PCTP: variants seen among roughly 807,000 people sequenced by gnomAD.
PCTP encodes phosphatidylcholine transfer protein.
A neutral mutation model predicts 31.0 loss-of-function variants in PCTP; 27 were observed. The ratio of observed to expected loss-of-function variants is 0.87; its 90% CI spans 0.64 to 1.20. PCTP has a LOEUF of 1.20. PCTP is among the 50% of genes most tolerant of loss of function. The pLI, the probability that PCTP is intolerant of heterozygous loss-of-function variation, is 0.00. For synonymous variants in PCTP, 108 were observed against 101.2 expected (o/e 1.07, Z -0.40); for missense variants, 287 against 268.2 (o/e 1.07, Z -0.49).
rs1184465442 is a variant in PCTP, at chr17:55,771,064, A to G, written c.260-42A>G. On this transcript the variant is annotated intron_variant, in intron 2 of 5. Transcript: ENST00000268896. Reference sequence around the variant, plus strand: ...GTCATACCCTTATTAGTTGTAGCTAAAAAGGCTTCCAGATGCATTAACTTC... The same window carrying G: ...GTCATACCCTTATTAGTTGTAGCTAGAAAGGCTTCCAGATGCATTAACTTC... 3.3e-6 allele frequency: 5 copies of G among 1,502,736 alleles called. No homozygotes were observed. The African/African-American group carries it at 4.1e-5, about 12-fold the overall frequency. 93.1% of individuals were successfully genotyped at this position (1,502,736 alleles called of 1,614,324 possible).
At chr17:55,805,918 T>TGTGTGTGTGTGTGTGTGTGTGTGTG (rs1567726531) in intron 3 of PCTP, among the ~76,000 whole-genome samples, 2 of 108,846 alleles carry the variant, frequency 1.8e-5, no homozygotes, top group African/African-American at 8.9e-5. Context: ...GTGTGTGTGT[T>TGTGTGTGTGTGTGTGTGTGTGTGTG]TGACTTTAGA....
intron 5 of PCTP, among the ~76,000 whole-genome samples, chr17:55,832,907 G>A (rs962235585): frequency 6.6e-6 from 1 of 152,190 alleles, no homozygotes; most frequent in African/African-American, 2.4e-5. Context: ...AAAAACTTCA[G>A]CACAATTCAG....
At chr17:55,775,449 A>G (rs768270616) in intron 5 of PCTP, 70 of 1,230,870 alleles carry the variant, frequency 5.7e-5, no homozygotes, top group Non-Finnish European at 7.0e-5. Flanking sequence ...AAGCACATCA[A>G]CTTTGGAGTC....
intron 2 of PCTP, among the ~76,000 whole-genome samples, chr17:55,784,648 C>T (rs1177324959): frequency 1.3e-5 from 2 of 151,954 alleles, no homozygotes; most frequent in Non-Finnish European, 2.9e-5. Context: ...TGTCAGCTTC[C>T]CCATAGAAAG....
chr17:55,825,105 T>C (rs1905354729), downstream of PCTP, among the ~76,000 whole-genome samples: 3 of 152,340 alleles, frequency 2.0e-5, no homozygotes, highest in East Asian at 5.8e-4. Context: ...AGAAAAAAAG[T>C]AATTTGTCCA....
chr17:55,816,028 AAT>A (rs1367636091), intron 3 of PCTP, among the ~76,000 whole-genome samples: 12 of 152,140 alleles, frequency 7.9e-5, no homozygotes, highest in African/African-American at 2.7e-4. Context: ...GTCTACCTGA[AAT>A]TACTAACATT....
chr17:55,775,727 A>G (rs767707798), intron 5 of PCTP: 13 of 1,238,932 alleles, frequency 1.0e-5, no homozygotes, highest in Non-Finnish European at 1.3e-5. Flanking sequence ...GTAACAATCC[A>G]GCCCAAGCCC....
At chr17:55,804,496 A>C (rs1305549183) in intron 3 of PCTP, among the ~76,000 whole-genome samples, 1 of 152,244 alleles carries the variant, frequency 6.6e-6, no homozygotes, top group Admixed American at 6.5e-5. Flanking sequence ...TGGATAAAGA[A>C]AATGTGACAC....
chr17:55,848,189 C>T, the PCTP span, among the ~76,000 whole-genome samples: 7 of 152,176 alleles, frequency 4.6e-5, no homozygotes, highest in African/African-American at 1.4e-4. Context: ...AGATTACAGG[C>T]GTGAGCCACC....
Position 55,776,267 on chromosome 17 carries a change from C to T in PCTP, c.*167C>T. The T allele has an allele frequency of 1.4e-6, 2 of 1,391,694 alleles. No homozygotes were observed. Among genetic ancestry groups the T allele is most frequent in the South Asian group, 1.8e-5 (1 of 56,958 alleles). The allele number at this position is 1,391,694 out of a possible 1,614,324, so 86.2% of individuals were successfully genotyped here. On this transcript the variant is annotated 3_prime_UTR_variant, in exon 6 of 6. Transcript: ENST00000268896. Reference sequence around the variant, plus strand: ...GTTTCTGTCTTCAGAGGCCTACACACTACCACATCCTTTCTAAGCATGTTT... The same window carrying T: ...GTTTCTGTCTTCAGAGGCCTACACATTACCACATCCTTTCTAAGCATGTTT...
chr17:55,851,396 G>T, the PCTP span, among the ~76,000 whole-genome samples: 3 of 152,184 alleles, frequency 2.0e-5, no homozygotes, highest in Non-Finnish European at 4.4e-5. Flanking sequence ...TATGGAGGTT[G>T]TCTGTAAGGT....
chr17:55,819,276 T>C (rs754241634), intron 3 of PCTP, among the ~76,000 whole-genome samples: 4 of 152,114 alleles, frequency 2.6e-5, no homozygotes, highest in Non-Finnish European at 5.9e-5. Context: ...AACACTCCTT[T>C]TCAAAATTGT....
At chr17:55,755,406 G>A (rs1395425840) in intron 1 of PCTP, among the ~76,000 whole-genome samples, 1 of 152,182 alleles carries the variant, frequency 6.6e-6, no homozygotes, top group Admixed American at 6.5e-5. Flanking sequence ...AAATGATGCT[G>A]TAACAAAGTT....
intron 1 of PCTP, among the ~76,000 whole-genome samples, chr17:55,754,733 G>GCAAATCTTGGCT (rs1909911109): frequency 6.6e-6 from 1 of 152,288 alleles, no homozygotes; most frequent in Admixed American, 6.5e-5. Flanking sequence ...TGAAGTTCTT[G>GCAAATCTTGGCT]CAACTCTTGG....
At chr17:55,779,228 C>T (rs1326557223), downstream of PCTP, among the ~76,000 whole-genome samples, 1 of 152,156 alleles carries the variant, frequency 6.6e-6, no homozygotes, top group African/African-American at 2.4e-5. Flanking sequence ...AGATATGGTG[C>T]CTGCCCTTAA....
At chr17:55,772,905 ACT>A (rs1334246207) in intron 3 of PCTP, among the ~76,000 whole-genome samples, 1 of 152,170 alleles carries the variant, frequency 6.6e-6, no homozygotes, top group African/African-American at 2.4e-5. Context: ...GTATGGGGAT[ACT>A]CATACCAAAC....
rs535389025 is a variant in PCTP at position 55,814,434 on chromosome 17, T to C, written c.318-8327T>C. Among the ~76,000 whole-genome samples the C allele has an allele frequency of 3.3e-5, 5 of 152,368 alleles. No homozygotes were observed. In the South Asian group the frequency reaches 1.0e-3, roughly 32 times the overall value. On this transcript the variant is annotated intron_variant, in intron 3 of 3. Transcript: ENST00000572536. ...CAAACAGCTCTGCCCTCCGGAGGCTTGGCAGACACTGAGCAGCTGCTCCTG... is the reference window on the plus strand; with the variant it reads ...CAAACAGCTCTGCCCTCCGGAGGCTCGGCAGACACTGAGCAGCTGCTCCTG...
At chr17:55,824,503 A>T (rs572749538), downstream of PCTP, among the ~76,000 whole-genome samples, 216 of 152,336 alleles carry the variant, frequency 1.4e-3, no homozygotes, top group African/African-American at 4.9e-3. Flanking sequence ...GCCTGATAAT[A>T]CTATAGGCAA....
intron 3 of PCTP, among the ~76,000 whole-genome samples, chr17:55,791,098 C>T (rs1911953382): frequency 6.6e-6 from 1 of 151,682 alleles, no homozygotes; most frequent in Non-Finnish European, 1.5e-5. Context: ...AACTGACTAG[C>T]CATATGTAGA....
Sources: gnomAD v4.1 joint callset for allele counts (sites outside exome capture counted in the v4.1 genomes callset) on GRCh38, gnomAD v4.1.1 for gene constraint, MANE v1.5 for transcripts, NCBI Gene and HGNC (gene_info 2026-07-23, HGNC 2026-07-21) for gene names.